APPBP2: variants seen among roughly 807,000 people sequenced by gnomAD.
The protein encoded by APPBP2 is amyloid beta precursor protein binding protein 2, also known as amyloid protein-binding protein 2.
Under a neutral mutation model 76.0 loss-of-function variants are expected in APPBP2, and 15 were observed. The observed-to-expected ratio is 0.20, with a 90% CI of 0.13 to 0.30. APPBP2 has a LOEUF of 0.30. Among genes scored for constraint, APPBP2 ranks in the 10% least tolerant of loss-of-function variants. The pLI is 1.00. For synonymous variants in APPBP2, 222 were observed against 242.2 expected (o/e 0.92, Z 0.77); for missense variants, 401 against 687.2 (o/e 0.58, Z 4.66).
In APPBP2 at chr17:60,447,559, ATTGG is replaced by A. The variant is rs781710798; in HGVS notation, c.*18_*21del. On this transcript the variant is annotated 3_prime_UTR_variant, in exon 13 of 13. Coordinates refer to ENST00000083182, the MANE Select transcript of APPBP2 (RefSeq NM_006380.5). ...ATTCCCTGGAATCCGGGAAAAGGTAATTGGTTAACTGAGGTCCTCCCTCAGCAGC... is the reference window on the plus strand; with the variant it reads ...ATTCCCTGGAATCCGGGAAAAGGTAATTAACTGAGGTCCTCCCTCAGCAGC... 7 of 1,580,486 alleles carry A rather than the reference ATTGG, an allele frequency of 4.4e-6. No individual in the cohort carries two copies. The East Asian group carries it at 1.3e-4, about 30-fold the overall frequency.
chr17:60,460,946 C>T (rs2090471850), intron 8 of APPBP2, 159 bp from the exon 9 acceptor site: 3 of 521,206 alleles, frequency 5.8e-6, no homozygotes, highest in Admixed American at 3.9e-5. Flanking sequence ...ATGAAAGTCA[C>T]CTAGAAGTCC....
chr17:60,496,652 C>G (rs1360606492), intron 2 of APPBP2, among the ~76,000 whole-genome samples: 3 of 152,054 alleles, frequency 2.0e-5, no homozygotes, highest in Admixed American at 2.0e-4. Context: ...CAAGAAGTTT[C>G]TCTATAATCT....
Position 60,526,181 on chromosome 17 carries a change from G to C in APPBP2, c.-250C>G. The C allele has an allele frequency of 2.0e-6, 1 of 495,562 alleles. No homozygotes were observed. The highest frequency in any genetic ancestry group is 1.9e-5 in the African/African-American group (1 of 51,486). The allele number at this position is 495,562 out of a possible 1,614,324, so 30.7% of individuals were successfully genotyped here. On this transcript the variant is annotated 5_prime_UTR_variant, in exon 1 of 13. Coordinates refer to ENST00000083182, the MANE Select transcript of APPBP2 (RefSeq NM_006380.5). ...CCAGGCCAAAAGCGTCACAATCCCG[G>C]TTCGAGAGGAACCCGGGTTCCGTCC...
chr17:60,478,772 A>G (rs2090608776), intron 4 of APPBP2, among the ~76,000 whole-genome samples: 2 of 151,940 alleles, frequency 1.3e-5, no homozygotes, highest in South Asian at 4.2e-4. Context: ...AAATACAAAT[A>G]ATTGGCGCAT....
rs183590265 is a variant in APPBP2, at chr17:60,467,178, C to T, written c.504-719G>A. The stretch of plus-strand genomic sequence containing the variant: ...TATTTATTTATTTATTTATTAAATG[C>T]TAGCTAGAACATTATGTTCATGTAT... On this transcript the variant is annotated intron_variant, in intron 4 of 12. Transcript: ENST00000083182. Among the ~76,000 whole-genome samples the T allele has an allele frequency of 2.0e-5, 3 of 152,102 alleles. No homozygotes were observed. In the East Asian group the frequency reaches 5.8e-4, roughly 29 times the overall value.
chr17:60,520,331 G>C (rs1461039148), intron 1 of APPBP2, among the ~76,000 whole-genome samples: 1 of 152,048 alleles, frequency 6.6e-6, no homozygotes, highest in African/African-American at 2.4e-5. Context: ...CCAGCACTTC[G>C]GGAGGCCGAG....
At chr17:60,519,588 A>G (rs1255386556) in intron 1 of APPBP2, among the ~76,000 whole-genome samples, 1 of 151,956 alleles carries the variant, frequency 6.6e-6, no homozygotes, top group Admixed American at 6.6e-5. Flanking sequence ...ACTTGGGGCC[A>G]AGAGTCCAAG....
At position 60,444,611 on chromosome 17, in the gene APPBP2, C is replaced by G. The variant is rs1054434025; in HGVS notation, c.*2970G>C. On this transcript the variant is annotated 3_prime_UTR_variant, in exon 13 of 13. Transcript: ENST00000083182. ...AAAGCAATAGTGAGCCAATTTTTAACCAAGCAGAGACAGAGATTTGATGGT... is the reference window on the plus strand; with the variant it reads ...AAAGCAATAGTGAGCCAATTTTTAAGCAAGCAGAGACAGAGATTTGATGGT... 7.2e-5 allele frequency: 11 copies of G among 151,876 alleles called. No homozygotes were observed. The highest frequency in any genetic ancestry group is 2.7e-4 in the African/African-American group (11 of 41,332). 9.4% of individuals were successfully genotyped at this position (151,876 alleles called of 1,614,324 possible). A position where few individuals can be genotyped will look rare whatever the true frequency, so the allele number is the denominator to read the frequency against.
At chr17:60,520,570 TAAAAAAAAAAAA>T (rs781626784) in intron 1 of APPBP2, among the ~76,000 whole-genome samples, 6 of 99,866 alleles carry the variant, frequency 6.0e-5, no homozygotes. Context: ...AAGACTCTGT[TAAAAAAAAAAAA>T]AAAAAAAAAT....
chr17:60,494,449 G>GT lies in APPBP2; in HGVS notation c.379+16dup. On this transcript the variant is annotated intron_variant, in intron 3 of 12. Transcript: ENST00000083182. Reference sequence around the variant, plus strand: ...GTCCATCACAGGACAAAATACTTCTGTTCCACCATTACTTACCTAAAACAA... The same window carrying GT: ...GTCCATCACAGGACAAAATACTTCTGTTTCCACCATTACTTACCTAAAACAA... 1 of 1,600,310 alleles carries GT rather than the reference G, an allele frequency of 6.2e-7. No individual in the cohort carries two copies. The highest frequency in any genetic ancestry group is 1.4e-5 in the African/African-American group (1 of 74,016).
At chr17:60,515,453 C>A (rs147246101) in intron 1 of APPBP2, among the ~76,000 whole-genome samples, 1 of 152,136 alleles carries the variant, frequency 6.6e-6, no homozygotes, top group Non-Finnish European at 1.5e-5. Context: ...AACATGCATA[C>A]AGAAGAGCGC....
chr17:60,473,451 C>T (rs1321451371), intron 4 of APPBP2, among the ~76,000 whole-genome samples: 1 of 152,172 alleles, frequency 6.6e-6, no homozygotes, highest in Non-Finnish European at 1.5e-5. Context: ...CATTTTCCAT[C>T]TAAAAATATT....
rs1185154818 is a variant in APPBP2, at chr17:60,525,787, C to T, written c.138+7G>A. ...AGGAGAGCAGAGAGGAGGCCCACGG[C>T]GCATACCTTGTAGTAAACATCAAAC... On this transcript the variant is annotated splice_region_variant and intron_variant, in intron 1 of 12. Coordinates refer to ENST00000083182, the MANE Select transcript of APPBP2 (RefSeq NM_006380.5). The T allele has an allele frequency of 1.2e-5, 19 of 1,612,612 alleles. No homozygotes were observed. Among genetic ancestry groups the T allele is most frequent in the African/African-American group, 4.0e-5 (3 of 74,502 alleles).
At chr17:60,512,833 A>G (rs1277002657) in intron 1 of APPBP2, among the ~76,000 whole-genome samples, 17 of 109,530 alleles carry the variant, frequency 1.6e-4, no homozygotes, top group Admixed American at 1.7e-4. Flanking sequence ...GACTCCATCT[A>G]AAAAAAAAAA....
At chr17:60,482,766 C>G (rs769195255) in intron 3 of APPBP2, among the ~76,000 whole-genome samples, 46 of 152,186 alleles carry the variant, frequency 3.0e-4, no homozygotes, top group Non-Finnish European at 4.7e-4. Flanking sequence ...ATGAACTCAT[C>G]CTGTTTTCTG....
chr17:60,517,714 C>T (rs1192570173), intron 1 of APPBP2, among the ~76,000 whole-genome samples: 3 of 152,196 alleles, frequency 2.0e-5, no homozygotes, highest in South Asian at 4.2e-4. Context: ...TCTGGACTGT[C>T]GATTTTGATC....
chr17:60,494,204 C>G (rs1416384235), intron 3 of APPBP2, among the ~76,000 whole-genome samples: 1 of 152,180 alleles, frequency 6.6e-6, no homozygotes, highest in African/African-American at 2.4e-5. Context: ...GTGACTTGAG[C>G]CAGTTACTCA....
intron 11 of APPBP2, 114 bp from the exon 12 acceptor site, chr17:60,452,159 A>C: frequency 9.3e-7 from 1 of 1,072,952 alleles, no homozygotes; most frequent in Non-Finnish European, 1.4e-6. Flanking sequence ...GCCATAAGGT[A>C]ATCAGATCAA....
At chr17:60,495,285 T>A (rs2090765187) in intron 2 of APPBP2, among the ~76,000 whole-genome samples, 1 of 151,838 alleles carries the variant, frequency 6.6e-6, no homozygotes, top group African/African-American at 2.4e-5. Context: ...CACGCCTGGC[T>A]GATATGAACA....
Sources: gnomAD v4.1 joint callset for allele counts (sites outside exome capture counted in the v4.1 genomes callset) on GRCh38, gnomAD v4.1.1 for gene constraint, MANE v1.5 for transcripts, NCBI Gene and HGNC (gene_info 2026-07-23, HGNC 2026-07-21) for gene names.